Variants in FLNB observed in about 807,000 individuals in gnomAD.
FLNB encodes filamin B.
A neutral mutation model predicts 250.6 loss-of-function variants in FLNB; 111 were observed. The ratio of observed to expected loss-of-function variants is 0.44; its 90% CI spans 0.38 to 0.52. The LOEUF (loss-of-function observed/expected upper bound fraction) is 0.52. Among genes scored for constraint, FLNB ranks in the 20% least tolerant of loss-of-function variants. The pLI, the probability that FLNB is intolerant of heterozygous loss-of-function variation, is 0.00. For missense variants in FLNB, 2,869 were observed against 3,447.8 expected, an observed-to-expected ratio of 0.83 and a Z score of 4.20; for synonymous variants, 1,302 against 1,372.1, an observed-to-expected ratio of 0.95 and a Z score of 1.13.
Position 58,170,849 on chromosome 3 carries a change from GT to G in FLNB, c.*90del, listed in dbSNP as rs1381207801. On this transcript the variant is annotated 3_prime_UTR_variant, in exon 46 of 46. Coordinates refer to ENST00000295956, the MANE Select transcript of FLNB (RefSeq NM_001457.4). The stretch of plus-strand genomic sequence containing the variant: ...CATTTTATACAAAGCCCTCCAGCCT[GT>G]TTGTGGGGCTGAAACCCCATCCCTA... 6.3e-6 allele frequency: 8 copies of G among 1,279,816 alleles called. No individual in the cohort carries two copies. The highest frequency in any genetic ancestry group is 8.9e-6 in the Non-Finnish European group (8 of 899,128). 79.3% of individuals were successfully genotyped at this position (1,279,816 alleles called of 1,614,324 possible). A position where few individuals can be genotyped will look rare whatever the true frequency, so the allele number is the denominator to read the frequency against.
chr3:58,028,817 T>C (rs1372933003), intron 1 of FLNB, among the ~76,000 whole-genome samples: 3 of 151,540 alleles, frequency 2.0e-5, no homozygotes, highest in Admixed American at 6.6e-5. Flanking sequence ...GATTTCACCA[T>C]GTCGATCAGG....
intron 27 of FLNB, among the ~76,000 whole-genome samples, chr3:58,135,150 C>T (rs1317588357): frequency 3.3e-5 from 5 of 152,248 alleles, no homozygotes; most frequent in Non-Finnish European, 7.4e-5. Flanking sequence ...ACACTGTGCC[C>T]GTCCCCTATG....
At chr3:58,155,531 A>G (rs1216824519) in intron 40 of FLNB, among the ~76,000 whole-genome samples, 1 of 152,164 alleles carries the variant, frequency 6.6e-6, no homozygotes, top group Non-Finnish European at 1.5e-5. Context: ...GTAATAAGTG[A>G]AAATGATACG....
rs200947960 is a variant in FLNB, at chr3:58,123,291, G to C, written c.3325G>C (p.Val1109Leu). The change falls in exon 21 of 46, where the codon GTC becomes CTC. Residue 1109 changes from valine to leucine, a missense_variant. Coordinates refer to ENST00000295956, the MANE Select transcript of FLNB (RefSeq NM_001457.4). ...TCCCACAAAACCCGGGGAGTACTTC[G>C]TCAACATCCTCTTTGAAGAAGTCCA... ...YLPTKPGEYF[V>L]NILFEEVHIP... The C allele has an allele frequency of 6.2e-7, 1 of 1,614,000 alleles. No individual in the cohort carries two copies. Among genetic ancestry groups the C allele is most frequent in the Non-Finnish European group, 8.5e-7 (1 of 1,180,038 alleles).
intron 18 of FLNB, among the ~76,000 whole-genome samples, chr3:58,117,917 T>C (rs3732636): frequency 0.11 from 16,594 of 152,124 alleles, 1,164 homozygotes; most frequent in African/African-American, 0.19. Flanking sequence ...AGGGCCTGCA[T>C]TCCAGCAAGG....
chr3:58,050,974 A>G (rs894912209), intron 1 of FLNB, among the ~76,000 whole-genome samples: 5 of 152,240 alleles, frequency 3.3e-5, no homozygotes, highest in African/African-American at 1.2e-4. Context: ...TGCCTGGGCA[A>G]GTGGCATTTT....
In FLNB at chr3:58,132,928, G is replaced by T. The variant is rs111498181; in HGVS notation, c.4511G>T (p.Arg1504Leu). The T allele has an allele frequency of 4.3e-6, 7 of 1,612,330 alleles. No homozygotes were observed. Among genetic ancestry groups the T allele is most frequent in the Middle Eastern group, 3.3e-4 (2 of 6,080 alleles). Residue 1504 changes from arginine to leucine, a missense_variant, in exon 26 of 46, where the codon CGC becomes CTC. This residue lies in a region of FLNB where 126 missense variants were observed against 182.0 expected (regional missense o/e 0.69). Coordinates refer to ENST00000295956, the MANE Select transcript of FLNB (RefSeq NM_001457.4). ...SVKYADEEIP[R>L]SPFKVKVLPT... ...AAATATGCTGATGAAGAGATTCCTC[G>T]CAGGTAAGCTCCATCCATCTGCCCA...
At chr3:58,165,969 T>G (rs2097369704) in intron 43 of FLNB, 1 of 152,070 alleles carries the variant, frequency 6.6e-6, no homozygotes, top group African/African-American at 2.4e-5. Flanking sequence ...GACTTCTGCT[T>G]GTGGATTTTT....
intron 4 of FLNB, among the ~76,000 whole-genome samples, chr3:58,092,766 G>C (rs2097230270): frequency 1.3e-5 from 2 of 152,160 alleles, no homozygotes; most frequent in South Asian, 4.1e-4. Context: ...GAGAGCCACT[G>C]TTTTTCCTTC....
rs186458673 is a variant in FLNB, at chr3:58,024,386, G to A, written c.292+15530G>A. ...ACCCAGTCCTTGGAGGTGGTGGTGG[G>A]GGCTGGGGTAAGTGCCCCATGAATG... On this transcript the variant is annotated intron_variant, in intron 1 of 45. Transcript: ENST00000295956. Among the ~76,000 whole-genome samples, 64 of 152,224 alleles carry A rather than the reference G, an allele frequency of 4.2e-4. 1 individual carries two copies. Among genetic ancestry groups the A allele is most frequent in the African/African-American group, 1.5e-3 (63 of 41,540 alleles).
chr3:58,162,102 A>G (rs1278784560), intron 42 of FLNB, among the ~76,000 whole-genome samples: 1 of 152,136 alleles, frequency 6.6e-6, no homozygotes, highest in East Asian at 1.9e-4. Flanking sequence ...AGGGAGGCGG[A>G]TGGGGACTGT....
rs563071980 is a variant in FLNB, at chr3:58,024,003, G to A, written c.292+15147G>A. Among the ~76,000 whole-genome samples the A allele has an allele frequency of 6.6e-5, 10 of 152,294 alleles. No homozygotes were observed. The South Asian group carries it at 2.1e-3, about 32-fold the overall frequency. On this transcript the variant is annotated intron_variant, in intron 1 of 45. Transcript: ENST00000295956. Reference sequence around the variant, plus strand: ...CCTGACAATGTACTTGGGCAGCTTGGTTCACCCTTGACTGCCTGGGAACTT... The same window carrying A: ...CCTGACAATGTACTTGGGCAGCTTGATTCACCCTTGACTGCCTGGGAACTT...
At chr3:58,095,780 C>A (rs563763966) in intron 5 of FLNB, among the ~76,000 whole-genome samples, 3 of 152,344 alleles carry the variant, frequency 2.0e-5, no homozygotes, top group African/African-American at 7.2e-5. Context: ...GGGATTGTAT[C>A]TGACTTGCTC....
At chr3:58,132,973 A>T in intron 26 of FLNB, 42 bp downstream of exon 26, 1 of 1,586,840 alleles carries the variant, frequency 6.3e-7, no homozygotes, top group Non-Finnish European at 8.6e-7. Flanking sequence ...CCATCAGTCT[A>T]TCTGTCCACC....
At chr3:58,136,378 A>G (rs2097315999) in intron 28 of FLNB, among the ~76,000 whole-genome samples, 1 of 152,244 alleles carries the variant, frequency 6.6e-6, no homozygotes, top group Non-Finnish European at 1.5e-5. Flanking sequence ...ACTGTTTTAC[A>G]GGGTTACTGC....
chr3:58,122,105 C>T (rs1417118521), intron 20 of FLNB, among the ~76,000 whole-genome samples: 4 of 137,196 alleles, frequency 2.9e-5, no homozygotes, highest in Non-Finnish European at 4.6e-5. Context: ...GGAGGCGGAG[C>T]TTGCAGTGAG....
At chr3:58,143,760 C>A in intron 32 of FLNB, 147 bp downstream of exon 32, 1 of 959,134 alleles carries the variant, frequency 1.0e-6, no homozygotes, top group South Asian at 1.4e-5. Flanking sequence ...ACCAAACAGT[C>A]TGGGACCCTA....
intron 1 of FLNB, among the ~76,000 whole-genome samples, chr3:58,027,739 C>A (rs755369511): frequency 6.6e-6 from 1 of 152,196 alleles, no homozygotes; most frequent in Non-Finnish European, 1.5e-5. Context: ...TTGCCATATC[C>A]CACGGCTGTC....
At position 58,119,028 on chromosome 3, in the gene FLNB, C is replaced by T. The variant is rs770040461; in HGVS notation, c.2863+39C>T. The T allele has an allele frequency of 3.6e-6, 5 of 1,399,566 alleles. No homozygotes were observed. In the Admixed American group the frequency reaches 5.0e-5, roughly 14 times the overall value. The allele number at this position is 1,399,566 out of a possible 1,614,324, so 86.7% of individuals were successfully genotyped here. ...TGGAGAGCAGATGGGTTGTTGATGA[C>T]CCCCCAACGTGGCTGCTGGTTAGAT... is the stretch of plus-strand genomic sequence containing the variant. On this transcript the variant is annotated intron_variant, in intron 19 of 45. Transcript: ENST00000295956.
Sources: gnomAD v4.1 joint callset for allele counts (sites outside exome capture counted in the v4.1 genomes callset) on GRCh38, gnomAD v4.1.1 for gene constraint, gnomAD v4.1.1 regional missense constraint, MANE v1.5 for transcripts, NCBI Gene and HGNC (gene_info 2026-07-23, HGNC 2026-07-21) for gene names.